Variants in CACNA1E observed in about 807,000 individuals in gnomAD.
CACNA1E encodes the protein calcium voltage-gated channel subunit alpha1 E.
A neutral mutation model predicts 259.2 loss-of-function variants in CACNA1E; 40 were observed. The observed-to-expected ratio is 0.15, with a 90% CI of 0.12 to 0.20. The LOEUF (loss-of-function observed/expected upper bound fraction) is 0.20. Among genes scored for constraint, CACNA1E ranks in the 10% least tolerant of loss-of-function variants. The pLI, the probability that CACNA1E is intolerant of heterozygous loss-of-function variation, is 1.00. For synonymous variants in CACNA1E, 1,104 were observed against 1,138.5 expected (o/e 0.97, Z 0.61); for missense variants, 1,874 against 3,040.1 (o/e 0.62, Z 9.02).
At chr1:181,743,992 A>G (rs1004423779) in intron 25 of CACNA1E, among the ~76,000 whole-genome samples, 1 of 152,218 alleles carries the variant, frequency 6.6e-6, no homozygotes, top group African/African-American at 2.4e-5. Context: ...TTGCTGTTGT[A>G]GCAGGGCATG....
intron 1 of CACNA1E, among the ~76,000 whole-genome samples, chr1:181,353,406 G>T (rs1043268741): frequency 2.0e-5 from 3 of 152,222 alleles, no homozygotes; most frequent in African/African-American, 7.2e-5. Flanking sequence ...AGTGCTGAGA[G>T]TCAAGGGTGG....
At chr1:181,435,414 G>A (rs1660024962) in intron 2 of CACNA1E, among the ~76,000 whole-genome samples, 1 of 152,184 alleles carries the variant, frequency 6.6e-6, no homozygotes, top group Non-Finnish European at 1.5e-5. Flanking sequence ...CTAGCAGCAA[G>A]GTACCATTTC....
Position 181,744,805 on chromosome 1 carries a change from A to G in CACNA1E, c.3719+5552A>G, listed in dbSNP as rs77134960. Among the ~76,000 whole-genome samples the G allele has an allele frequency of 3.5e-3, 529 of 152,378 alleles. 2 individuals are homozygous for G. The highest frequency in any genetic ancestry group is 0.012 in the African/African-American group (500 of 41,594). ...AGACCCATTTACCACTGAGCCAGAC[A>G]GGTCATCCAGTGCCCCTGTTCTGTG... On this transcript the variant is annotated intron_variant, in intron 25 of 47. Transcript: ENST00000367573.
In CACNA1E at chr1:181,807,720, G is replaced by C. The variant is rs1302567932; in HGVS notation, c.*8886G>C. The C allele has an allele frequency of 1.3e-5, 2 of 151,994 alleles. No individual in the cohort carries two copies. The highest frequency in any genetic ancestry group is 4.8e-5 in the African/African-American group (2 of 41,364). 9.4% of individuals were successfully genotyped at this position (151,994 alleles called of 1,614,324 possible). A position where few individuals can be genotyped will look rare whatever the true frequency, so the allele number is the denominator to read the frequency against. Reference sequence around the variant, plus strand: ...TAAGATATATGACTTTATTAGCTAGGATTTTTCTTATGATTAAAAACATCC... The same window carrying C: ...TAAGATATATGACTTTATTAGCTAGCATTTTTCTTATGATTAAAAACATCC... On this transcript the variant is annotated 3_prime_UTR_variant, in exon 48 of 48. Transcript: ENST00000367573.
chr1:181,609,300 A>C (rs1262712480), intron 6 of CACNA1E, among the ~76,000 whole-genome samples: 1 of 152,224 alleles, frequency 6.6e-6, no homozygotes, highest in Non-Finnish European at 1.5e-5. Flanking sequence ...CGGGCCCTAG[A>C]CAAAGAATGG....
rs1159115206 is a variant in CACNA1E, at chr1:181,776,181, C to T, written c.5220C>T (p.His1740=). 6 of 1,614,034 alleles carry T rather than the reference C, an allele frequency of 3.7e-6. No individual in the cohort carries two copies. In the South Asian group the frequency reaches 6.6e-5, roughly 18 times the overall value. Reference sequence around the variant, plus strand: ...ACTCCTCCATCCTGGGGCCTCACCACTTGGACGAGTTTGTCCGCGTCTGGG... The same window carrying T: ...ACTCCTCCATCCTGGGGCCTCACCATTTGGACGAGTTTGTCCGCGTCTGGG... ...TRDSSILGPH[H]LDEFVRVWAE... Residue 1740 remains histidine, a synonymous_variant, in exon 38 of 48, where the codon CAC becomes CAT. Transcript: ENST00000367573. This position sits in a 1 kb window ranked among gnomAD's most constrained non-coding sequence, Gnocchi z 4.4.
Position 181,511,457 on chromosome 1 carries a change from C to A in CACNA1E, c.459C>A (p.Gly153=). 6.2e-7 allele frequency: 1 copy of A among 1,613,968 alleles called. No individual in the cohort carries two copies. Among genetic ancestry groups the A allele is most frequent in the Non-Finnish European group, 8.5e-7 (1 of 1,179,878 alleles). ...IVALGFIFHK[G]SYLRNGWNVM... is the part of the protein sequence containing the mutation. ...CCCTGGGGTTCATCTTCCATAAGGG[C>A]TCTTACCTCCGCAATGGCTGGAATG... Residue 153 remains glycine (G), a synonymous_variant, in exon 3 of 48, where the codon GGC becomes GGA. Transcript: ENST00000367573.
chr1:181,506,995 G>A (rs1325490961), intron 1 of CACNA1E, among the ~76,000 whole-genome samples: 1 of 151,998 alleles, frequency 6.6e-6, no homozygotes, highest in East Asian at 1.9e-4. Context: ...CTATAAGGCT[G>A]AAAGGGACAT....
At chr1:181,666,036 G>T (rs1258361732) in intron 7 of CACNA1E, among the ~76,000 whole-genome samples, 5 of 151,824 alleles carry the variant, frequency 3.3e-5, no homozygotes, top group South Asian at 2.1e-4. Flanking sequence ...GTTAATCCTG[G>T]TATCTTCTCC....
chr1:181,478,644 T>TG (rs1663023663), upstream of CACNA1E, among the ~76,000 whole-genome samples: 2 of 151,708 alleles, frequency 1.3e-5, no homozygotes, highest in East Asian at 1.9e-4. Context: ...ACTGGCAGGG[T>TG]GGGGGAAGAT....
chr1:181,560,249 T>G (rs1649183282), intron 3 of CACNA1E, among the ~76,000 whole-genome samples: 1 of 150,446 alleles, frequency 6.6e-6, no homozygotes, highest in Admixed American at 6.7e-5. Flanking sequence ...TTTTTTTTTG[T>G]GTGTGTGATT....
chr1:181,418,343 C>A (rs1658438940), intron 2 of CACNA1E, among the ~76,000 whole-genome samples: 1 of 152,148 alleles, frequency 6.6e-6, no homozygotes, highest in African/African-American at 2.4e-5. Flanking sequence ...TGGGTTGCTT[C>A]TCAATCTCTT....
intron 3 of CACNA1E, among the ~76,000 whole-genome samples, chr1:181,562,600 G>C (rs182572315): frequency 6.6e-6 from 1 of 152,146 alleles, no homozygotes. Context: ...TTTCACTTTC[G>C]GAGGTCACGA....
At chr1:181,350,885 G>A (rs1264429692) in intron 1 of CACNA1E, among the ~76,000 whole-genome samples, 2 of 152,182 alleles carry the variant, frequency 1.3e-5, no homozygotes, top group East Asian at 1.9e-4. Context: ...GAGGGCGCAG[G>A]GGTGAACAAG....
At chr1:181,487,786 C>G (rs1311070446) in intron 1 of CACNA1E, among the ~76,000 whole-genome samples, 2 of 152,194 alleles carry the variant, frequency 1.3e-5, no homozygotes, top group Non-Finnish European at 2.9e-5. Context: ...CTTGTTTGAA[C>G]TTTTCCAGGT....
chr1:181,596,570 G>A (rs920009155), intron 6 of CACNA1E, among the ~76,000 whole-genome samples: 10 of 141,334 alleles, frequency 7.1e-5, no homozygotes, highest in African/African-American at 2.6e-4. Flanking sequence ...GTGTGTGTGT[G>A]TGTGTGTGTG....
rs939830162 is a variant in CACNA1E, at chr1:181,325,140, T to A, written c.-15+7017T>A. Among the ~76,000 whole-genome samples, 5 of 152,092 alleles carry A rather than the reference T, an allele frequency of 3.3e-5. No homozygotes were observed. In the East Asian group the frequency reaches 9.6e-4, roughly 29 times the overall value. On this transcript the variant is annotated intron_variant, in intron 1 of 11. Coordinates refer to the CACNA1E transcript ENST00000524607. ...CTACCTGCCTGCCGGAAGAGTTGAG[T>A]CAACACAGCCCACCTCCTGCACCCA...
intron 3 of CACNA1E, among the ~76,000 whole-genome samples, chr1:181,517,648 A>G (rs982185938): frequency 2.6e-5 from 4 of 151,974 alleles, no homozygotes; most frequent in African/African-American, 9.7e-5. Context: ...GAGGAGAGCC[A>G]GGGAGTGCTG....
intron 1 of CACNA1E, among the ~76,000 whole-genome samples, chr1:181,351,949 A>T (rs563434814): frequency 2.0e-5 from 3 of 152,168 alleles, no homozygotes; most frequent in Non-Finnish European, 4.4e-5. Flanking sequence ...CACAGATGAG[A>T]TGATAAAAGG....
Sources: allele counts gnomAD v4.1 joint callset (sites outside exome capture counted in the v4.1 genomes callset), GRCh38; gene constraint gnomAD v4.1.1; non-coding constraint Gnocchi (gnomAD v3.1); transcripts MANE v1.5; gene names NCBI Gene and HGNC (gene_info 2026-07-23, HGNC 2026-07-21).